The following TBC1D1 variants were observed in gnomAD, a reference collection of about 807,000 sequenced individuals.
The protein encoded by TBC1D1 is TBC1 domain family member 1.
TBC1D1 carries 89 observed loss-of-function variants against 125.6 expected under a neutral mutation model. The observed-to-expected ratio is 0.71, with a 90% CI of 0.60 to 0.85. The LOEUF (loss-of-function observed/expected upper bound fraction) is 0.85, where lower values mean the gene tolerates loss of function less well. Among genes scored for constraint, TBC1D1 ranks in the 40% least tolerant of loss-of-function variants. TBC1D1 has a pLI of 0.00. For missense variants in TBC1D1, 1,377 were observed against 1,469.2 expected (o/e 0.94, Z 1.03); for synonymous variants, 565 against 564.1 (o/e 1.00, Z -0.02).
chr4:38,013,838 A>G (rs2152425725), intron 2 of TBC1D1, among the ~76,000 whole-genome samples: 1 of 152,306 alleles, frequency 6.6e-6, no homozygotes, highest in South Asian at 2.1e-4. Flanking sequence ...TTGCTGTGAT[A>G]ATATTAGTCA....
At chr4:38,091,229 G>A (rs1012197893) in intron 13 of TBC1D1, among the ~76,000 whole-genome samples, 4 of 152,176 alleles carry the variant, frequency 2.6e-5, no homozygotes, top group Admixed American at 1.3e-4. Flanking sequence ...AAGACCTTTC[G>A]ACATGAAAGT....
In TBC1D1 at chr4:38,089,338, G is replaced by A. The variant is rs183368050; in HGVS notation, c.2051-594G>A. 1.6e-4 allele frequency among the ~76,000 whole-genome samples: 24 copies of A among 152,336 alleles called. No homozygotes were observed. The East Asian group carries it at 4.4e-3, about 28-fold the overall frequency. ...AGGTCTGCTAGTGGTTACTGTTACT[G>A]CTGGCTATTAAATACATTTTAATCT... On this transcript the variant is annotated intron_variant, in intron 12 of 19. Coordinates refer to ENST00000261439, the MANE Select transcript of TBC1D1 (RefSeq NM_015173.4).
intron 1 of TBC1D1, among the ~76,000 whole-genome samples, chr4:37,895,999 T>C (rs181424658): frequency 1.3e-5 from 2 of 152,230 alleles, no homozygotes; most frequent in East Asian, 3.9e-4. Flanking sequence ...TTAGAGTACT[T>C]CAGGTTGCAG....
chr4:37,895,339 T>C (rs956380005), intron 1 of TBC1D1, among the ~76,000 whole-genome samples: 7 of 152,164 alleles, frequency 4.6e-5, no homozygotes, highest in Non-Finnish European at 1.0e-4. Flanking sequence ...GCTAGGACAC[T>C]CGCCCATTTC....
intron 2 of TBC1D1, among the ~76,000 whole-genome samples, chr4:37,914,699 C>A (rs1157632714): frequency 6.6e-6 from 1 of 152,216 alleles, no homozygotes; most frequent in East Asian, 1.9e-4. Context: ...TTTGCTGGGG[C>A]CTATCATGTA....
In TBC1D1 at chr4:38,115,809, A is replaced by G; in HGVS notation, c.2657A>G (p.Glu886Gly). ...AAGGCCTACTCACTTCTAGACCAGG[A>G]AGTGGGATATTGCCAAGGTCTCAGC... The change falls in exon 16 of 20, where the codon GAA becomes GGA. Residue 886 changes from glutamate (E) to glycine (G), a missense_variant. Physicochemically the swap from Glu to Gly is moderately conservative, Grantham distance 98 (BLOSUM62 -2). This residue lies in a region of TBC1D1 where 543 missense variants were observed against 613.5 expected (regional missense o/e 0.89). Transcript: ENST00000261439. The G allele has an allele frequency of 6.2e-7, 1 of 1,614,184 alleles. No homozygotes were observed. Among genetic ancestry groups the G allele is most frequent in the Non-Finnish European group, 8.5e-7 (1 of 1,180,030 alleles).
At chr4:38,049,555 A>G in intron 10 of TBC1D1, 63 bp from the exon 11 acceptor site, 1 of 1,517,692 alleles carries the variant, frequency 6.6e-7, no homozygotes, top group Non-Finnish European at 8.8e-7. Flanking sequence ...TGCAGGAACT[A>G]GAGATTTATA....
In TBC1D1 at chr4:38,008,865, C is replaced by G. The variant is rs548915850; in HGVS notation, c.418-5644C>G. On this transcript the variant is annotated intron_variant, in intron 2 of 19. Transcript: ENST00000261439. ...CACCTTATATTGGAAATCACATATG[C>G]GTGAGCCTCCTAAAGTCAGAGGGAA... Among the ~76,000 whole-genome samples, 12 of 152,286 alleles carry G rather than the reference C, an allele frequency of 7.9e-5. No individual in the cohort carries two copies. The East Asian group carries it at 1.9e-3, about 25-fold the overall frequency.
rs1400162100 is a variant in TBC1D1, at chr4:38,090,118, G to A, written c.2236+1G>A. On this transcript the variant is annotated splice_donor_variant, in intron 13 of 19. Transcript: ENST00000261439. LOFTEE classifies it high-confidence loss of function. ...GAGAAGGAAAATCAGAAGCTCCAAG[G>A]TTGGTTTGCCATCTTGATATTGAAC... 2 of 1,613,758 alleles carry A rather than the reference G, an allele frequency of 1.2e-6. No individual in the cohort carries two copies. The highest frequency in any genetic ancestry group is 2.7e-5 in the African/African-American group (2 of 74,894).
intron 2 of TBC1D1, among the ~76,000 whole-genome samples, chr4:37,994,949 G>GT (rs33942944): frequency 1.7e-3 from 255 of 151,640 alleles, no homozygotes; most frequent in African/African-American, 3.8e-3. Context: ...CTTCTTTTTT[G>GT]TTTTTTTTGC....
intron 2 of TBC1D1, among the ~76,000 whole-genome samples, chr4:37,903,064 C>T (rs1716429232): frequency 6.6e-6 from 1 of 152,180 alleles, no homozygotes; most frequent in Admixed American, 6.5e-5. Context: ...TTTCCCAAGG[C>T]ATAATGTTCA....
intron 12 of TBC1D1, among the ~76,000 whole-genome samples, chr4:38,087,845 CAAAAAAAAAA>C (rs1215951890): frequency 1.5e-5 from 1 of 67,880 alleles, no homozygotes; most frequent in Non-Finnish European, 2.9e-5. Flanking sequence ...GATTCCGTCT[CAAAAAAAAAA>C]AAAAAAAGAA....
rs1305050498 is a variant in TBC1D1 at position 38,053,566 on chromosome 4, T to C, written c.1911-633T>C. On this transcript the variant is annotated intron_variant, in intron 11 of 19. Coordinates refer to ENST00000261439, the MANE Select transcript of TBC1D1 (RefSeq NM_015173.4). ...CTAATCTGTAAGTTGAGGGGATTGC[T>C]TACTTACAGGTACATAACTTGGGTA... 2.0e-5 allele frequency among the ~76,000 whole-genome samples: 3 copies of C among 152,206 alleles called. No individual in the cohort carries two copies. The South Asian group carries it at 6.2e-4, about 32-fold the overall frequency.
intron 2 of TBC1D1, among the ~76,000 whole-genome samples, chr4:37,933,274 C>T (rs186644223): frequency 3.3e-5 from 5 of 152,032 alleles, no homozygotes; most frequent in East Asian, 1.9e-4. Flanking sequence ...CACCTACATA[C>T]GCACCTACAT....
At chr4:38,000,889 G>C (rs1455931776) in intron 2 of TBC1D1, among the ~76,000 whole-genome samples, 2 of 152,144 alleles carry the variant, frequency 1.3e-5, no homozygotes, top group African/African-American at 4.8e-5. Context: ...ACAGAACTTA[G>C]AACACTCTTT....
intron 15 of TBC1D1, among the ~76,000 whole-genome samples, chr4:38,107,730 G>A (rs1237037596): frequency 6.6e-6 from 1 of 151,990 alleles, no homozygotes; most frequent in Non-Finnish European, 1.5e-5. Flanking sequence ...AATTGGGCAC[G>A]TGCCGTTATT....
intron 17 of TBC1D1, chr4:38,119,970 G>T (rs183365538): frequency 1.0e-6 from 1 of 985,168 alleles, no homozygotes; most frequent in Non-Finnish European, 1.2e-6. Flanking sequence ...TTTTTCCTTC[G>T]GCTCATAAAT....
chr4:38,076,292 A>G (rs1188692031), intron 12 of TBC1D1, among the ~76,000 whole-genome samples: 1 of 152,206 alleles, frequency 6.6e-6, no homozygotes, highest in East Asian at 1.9e-4. Flanking sequence ...TGAGAACAGG[A>G]TGGGGGAAAC....
rs1265452002 is a variant in TBC1D1 at position 38,097,714 on chromosome 4, G to A, written c.2398+1624G>A. Among the ~76,000 whole-genome samples the A allele has an allele frequency of 3.3e-5, 5 of 151,808 alleles. No individual in the cohort carries two copies. In the East Asian group the frequency reaches 9.7e-4, roughly 29 times the overall value. ...GCTGGTCTTGAACTCTGGACCTCAG[G>A]TGATCTGCCTGCCTCGGCCTCCCAA... On this transcript the variant is annotated intron_variant, in intron 14 of 19. Coordinates refer to ENST00000261439, the MANE Select transcript of TBC1D1 (RefSeq NM_015173.4).
Sources: gnomAD v4.1 joint callset for allele counts (sites outside exome capture counted in the v4.1 genomes callset) on GRCh38, gnomAD v4.1.1 for gene constraint, gnomAD v4.1.1 regional missense constraint, MANE v1.5 for transcripts, NCBI Gene and HGNC (gene_info 2026-07-23, HGNC 2026-07-21) for gene names.